TRIM2: variants seen among roughly 807,000 people sequenced by gnomAD.
TRIM2 encodes tripartite motif-containing protein 2.
Under a neutral mutation model 75.2 loss-of-function variants are expected in TRIM2, and 20 were observed. The ratio of observed to expected loss-of-function variants is 0.27; its 90% CI spans 0.19 to 0.39. The LOEUF is 0.39. Among genes scored for constraint, TRIM2 ranks in the 10% least tolerant of loss-of-function variants. The pLI, the probability that TRIM2 is intolerant of heterozygous loss-of-function variation, is 1.00. For synonymous variants in TRIM2, 373 were observed against 388.3 expected, an observed-to-expected ratio of 0.96 and a Z score of 0.46; for missense variants, 660 against 990.8, an observed-to-expected ratio of 0.67 and a Z score of 4.48.
At chr4:153,289,297 G>A (rs369494997) in intron 3 of TRIM2, among the ~76,000 whole-genome samples, 36 of 151,300 alleles carry the variant, frequency 2.4e-4, no homozygotes, top group Non-Finnish European at 3.2e-4. Flanking sequence ...TATTTTTTTC[G>A]TTCCCCACTT....
intron 1 of TRIM2, among the ~76,000 whole-genome samples, chr4:153,219,194 G>A (rs1233846164): frequency 1.3e-5 from 2 of 152,118 alleles, no homozygotes; most frequent in African/African-American, 2.4e-5. Flanking sequence ...CTATTTCAAA[G>A]AGGTGCATTT....
chr4:153,278,602 C>T (rs923083443), intron 3 of TRIM2, among the ~76,000 whole-genome samples: 3 of 152,022 alleles, frequency 2.0e-5, no homozygotes. Flanking sequence ...AGTTTGAGAC[C>T]TGACTGGGCA....
chr4:153,219,505 C>A (rs1739382755), intron 1 of TRIM2, among the ~76,000 whole-genome samples: 3 of 152,172 alleles, frequency 2.0e-5, no homozygotes, highest in Non-Finnish European at 2.9e-5. Context: ...CAGTTTCAGG[C>A]CCTCATCTTC....
intron 1 of TRIM2, among the ~76,000 whole-genome samples, chr4:153,215,834 A>T (rs986078976): frequency 2.0e-5 from 3 of 152,322 alleles, no homozygotes; most frequent in Admixed American, 2.0e-4. Flanking sequence ...TGTGGATAGA[A>T]GATTTCAAAA....
At chr4:153,319,704 T>A (rs1768498451) in intron 8 of TRIM2, among the ~76,000 whole-genome samples, 1 of 151,940 alleles carries the variant, frequency 6.6e-6, no homozygotes, top group Non-Finnish European at 1.5e-5. Context: ...CACTCCAGCC[T>A]GGGCAACAAG....
At chr4:153,244,144 GTTCTTCTTGTTCTTC>G (rs1346887267) in intron 1 of TRIM2, among the ~76,000 whole-genome samples, 6 of 130,092 alleles carry the variant, frequency 4.6e-5, no homozygotes, top group Non-Finnish European at 8.1e-5. Context: ...TCTTCTTCTT[GTTCTTCTTGTTCTTC>G]TTCTTCTTCT....
intron 1 of TRIM2, among the ~76,000 whole-genome samples, chr4:153,160,776 T>G (rs185212104): frequency 1.3e-5 from 2 of 152,252 alleles, no homozygotes; most frequent in Admixed American, 6.5e-5. Context: ...TAAAATTTAT[T>G]TTTTTCATAG....
rs772380357 is a variant in TRIM2 at position 153,247,997 on chromosome 4, T to TG, written c.31-22338_31-22337insG. 1.5e-4 allele frequency among the ~76,000 whole-genome samples: 14 copies of TG among 90,994 alleles called. No individual in the cohort carries two copies. In the East Asian group the frequency reaches 3.5e-3, roughly 23 times the overall value. 59.7% of individuals were successfully genotyped at this position (90,994 alleles called of 152,430 possible). ...ATGCATCAGGCATTGGATCATGTGT[T>TG]TTTTTTTTTTTTTTTTGAGATGGAG... On this transcript the variant is annotated intron_variant, in intron 1 of 11. Coordinates refer to ENST00000338700, the MANE Select transcript of TRIM2 (RefSeq NM_015271.5).
chr4:153,231,537 G>C lies in TRIM2; in HGVS notation c.30+26977G>C, dbSNP rs142303918. 3.2e-3 allele frequency among the ~76,000 whole-genome samples: 492 copies of C among 152,262 alleles called. 5 individuals are homozygous for C. Among genetic ancestry groups the C allele is most frequent in the Middle Eastern group, 0.02 (6 of 294 alleles). The stretch of plus-strand genomic sequence containing the variant: ...ATTAGGAGCCAGACACATCTGATGG[G>C]AGGAGGGACTGAGCAGGTCTAGGCA... On this transcript the variant is annotated intron_variant, in intron 1 of 11. Coordinates refer to ENST00000338700, the MANE Select transcript of TRIM2 (RefSeq NM_015271.5).
At chr4:153,314,486 A>T (rs1319799167) in intron 6 of TRIM2, among the ~76,000 whole-genome samples, 3 of 150,974 alleles carry the variant, frequency 2.0e-5, no homozygotes, top group Non-Finnish European at 4.4e-5. Context: ...TGTGGTATGT[A>T]CCTATAGTTC....
intron 1 of TRIM2, among the ~76,000 whole-genome samples, chr4:153,262,100 T>G (rs1753724957): frequency 6.6e-6 from 1 of 152,248 alleles, no homozygotes; most frequent in South Asian, 2.1e-4. Flanking sequence ...TTAGGCTTTT[T>G]ATTTTCATGC....
At chr4:153,193,622 C>A (rs763944519) in intron 1 of TRIM2, among the ~76,000 whole-genome samples, 1 of 152,160 alleles carries the variant, frequency 6.6e-6, no homozygotes, top group Non-Finnish European at 1.5e-5. Flanking sequence ...TGGGGTAGGA[C>A]TATTATCTTC....
At chr4:153,235,166 T>G (rs1744687547) in intron 1 of TRIM2, among the ~76,000 whole-genome samples, 1 of 152,200 alleles carries the variant, frequency 6.6e-6, no homozygotes, top group African/African-American at 2.4e-5. Context: ...GATGTAGGCT[T>G]GAAGTCACTA....
chr4:153,331,390 AAC>A (rs1181149776), intron 11 of TRIM2, among the ~76,000 whole-genome samples: 6 of 152,182 alleles, frequency 3.9e-5, no homozygotes, highest in South Asian at 2.1e-4. Flanking sequence ...CAAAATTAAA[AAC>A]ACAATACCAT....
At chr4:153,175,007 GTTTTGTTTTGT>G (rs1560786197) in intron 1 of TRIM2, among the ~76,000 whole-genome samples, 1 of 101,620 alleles carries the variant, frequency 9.8e-6, no homozygotes, top group African/African-American at 3.6e-5. Context: ...TTTTGTTTTT[GTTTTGTTTTGT>G]TTTTTTTTGA....
Position 153,296,005 on chromosome 4 carries a change from T to A in TRIM2, c.1479T>A (p.Asn493Lys). 6.6e-7 allele frequency: 1 copy of A among 1,523,446 alleles called. No individual in the cohort carries two copies. The highest frequency in any genetic ancestry group is 8.8e-7 in the Non-Finnish European group (1 of 1,137,978). The allele number at this position is 1,523,446 out of a possible 1,614,324, so 94.4% of individuals were successfully genotyped here. ...ACAGCACTGGAAAACGAAAAGAGAA[T>A]CCCATCGAAGACGATTTGATCTTTC... ...SMYSTGKRKENPIEDDLIFRV... is the reference protein window; with the variant it reads ...SMYSTGKRKEKPIEDDLIFRV... Residue 493 changes from asparagine to lysine, a missense_variant, in exon 6 of 12, where the codon AAT becomes AAA. Around this residue, in one of 2 missense-constraint regions of TRIM2, gnomAD observed 620 missense variants for 891.0 expected, o/e 0.70. Transcript: ENST00000338700.
chr4:153,282,990 C>T, intron 3 of TRIM2, among the ~76,000 whole-genome samples: 1 of 151,806 alleles, frequency 6.6e-6, no homozygotes, highest in South Asian at 2.1e-4. Context: ...CTATGTTGCC[C>T]AGGCTGGTCT....
chr4:153,295,329 T>A lies in TRIM2; in HGVS notation c.803T>A (p.Leu268Gln). 6.2e-7 allele frequency: 1 copy of A among 1,605,284 alleles called. No individual in the cohort carries two copies. Among genetic ancestry groups the A allele is most frequent in the Non-Finnish European group, 8.5e-7 (1 of 1,175,396 alleles). Residue 268 changes from leucine (L) to glutamine (Q), a missense_variant, in exon 6 of 12, where the codon CTG becomes CAG. Physicochemically the swap from Leu to Gln is moderately radical, Grantham distance 113. This residue lies in a region of TRIM2 where 620 missense variants were observed against 891.0 expected (regional missense o/e 0.70). Coordinates refer to ENST00000338700, the MANE Select transcript of TRIM2 (RefSeq NM_015271.5). The surrounding 1 kb of genome is among the most constrained non-coding windows in gnomAD (Gnocchi z 7.2). ...TTCCCGCAGGTCCTCCAGTCGCAGC[T>A]GGATACTCTGCTCCAGGGGCAGGAG... ...GLKHKVLQSQ[L>Q]DTLLQGQESI...
chr4:153,284,467 G>C (rs570610923), intron 3 of TRIM2, among the ~76,000 whole-genome samples: 13 of 152,172 alleles, frequency 8.5e-5, no homozygotes, highest in Non-Finnish European at 5.9e-5. Context: ...GCCTCCCAAA[G>C]TGCTGGGATT....
Sources: allele counts gnomAD v4.1 joint callset (sites outside exome capture counted in the v4.1 genomes callset), GRCh38; gene constraint gnomAD v4.1.1; regional missense constraint gnomAD v4.1.1; non-coding constraint Gnocchi (gnomAD v3.1); transcripts MANE v1.5; gene names NCBI Gene and HGNC (gene_info 2026-07-23, HGNC 2026-07-21).